Variants in ANKRD44 observed in about 807,000 individuals in gnomAD.
ANKRD44 encodes serine/threonine-protein phosphatase 6 regulatory ankyrin repeat subunit B.
A neutral mutation model predicts 116.0 loss-of-function variants in ANKRD44; 35 were observed. The observed-to-expected ratio is 0.30, with a 90% CI of 0.23 to 0.40. The LOEUF (loss-of-function observed/expected upper bound fraction) is 0.40, where lower values mean the gene tolerates loss of function less well. ANKRD44 is among the 10% of genes least tolerant of loss of function. The probability of loss-of-function intolerance (pLI) is 1.00; values close to 1 mark genes in which losing one functional copy is unlikely to be tolerated. For synonymous variants in ANKRD44, 435 were observed against 461.8 expected (o/e 0.94, Z 0.74); for missense variants, 1,014 against 1,242.6 (o/e 0.82, Z 2.77).
intron 3 of ANKRD44, among the ~76,000 whole-genome samples, chr2:197,144,626 C>G (rs1480246164): frequency 1.3e-5 from 2 of 152,158 alleles, no homozygotes; most frequent in African/African-American, 4.8e-5. Flanking sequence ...GGAAATTTTC[C>G]ATAGCACATT....
chr2:197,026,316 A>T (rs193188156), intron 16 of ANKRD44, among the ~76,000 whole-genome samples: 2 of 152,336 alleles, frequency 1.3e-5, no homozygotes, highest in East Asian at 3.9e-4. Flanking sequence ...TAGAAAGTGC[A>T]AGGTGCTATG....
intron 1 of ANKRD44, among the ~76,000 whole-genome samples, chr2:197,279,276 C>A (rs2083194905): frequency 6.6e-6 from 1 of 152,106 alleles, no homozygotes. Context: ...TACCTGTATA[C>A]AATAAAACGT....
chr2:197,163,819 G>A (rs1455872243), intron 2 of ANKRD44, among the ~76,000 whole-genome samples: 1 of 152,160 alleles, frequency 6.6e-6, no homozygotes, highest in African/African-American at 2.4e-5. Flanking sequence ...GTACAGACGG[G>A]TTTTCACCAT....
At chr2:196,967,414 A>G (rs1275055497) in exon 22 of ANKRD44, 3 of 470,078 alleles carry the variant, frequency 6.4e-6, no homozygotes, top group Non-Finnish European at 1.3e-5. Flanking sequence ...TTTGCAGCCA[A>G]CCGATGTTCT....
intron 2 of ANKRD44, among the ~76,000 whole-genome samples, chr2:197,161,271 A>C (rs2079957673): frequency 6.6e-6 from 1 of 152,266 alleles, no homozygotes; most frequent in South Asian, 2.1e-4. Context: ...CCTCCAGGGC[A>C]ATGTCAAATA....
At chr2:197,302,009 C>T (rs2083924591) in intron 1 of ANKRD44, among the ~76,000 whole-genome samples, 1 of 152,108 alleles carries the variant, frequency 6.6e-6, no homozygotes, top group South Asian at 2.1e-4. Flanking sequence ...AGGAAAGACC[C>T]GAAAGAGGTA....
rs2075715398 is a variant in ANKRD44, at chr2:196,971,466, C to T, written c.2369-4020G>A. Among the ~76,000 whole-genome samples, 3 of 152,266 alleles carry T rather than the reference C, an allele frequency of 2.0e-5. No individual in the cohort carries two copies. In the South Asian group the frequency reaches 6.2e-4, roughly 32 times the overall value. On this transcript the variant is annotated intron_variant, in intron 21 of 21. Transcript: ENST00000424317. Reference sequence around the variant, plus strand: ...TCCCCTCCTGGGTTCAAGTGATTCTCGTGCCTTAGTCTCCTGAGTAGCTGG... The same window carrying T: ...TCCCCTCCTGGGTTCAAGTGATTCTTGTGCCTTAGTCTCCTGAGTAGCTGG...
downstream of ANKRD44, chr2:196,986,594 GA>G (rs2075840194): frequency 1.8e-6 from 1 of 550,776 alleles, no homozygotes; most frequent in Non-Finnish European, 2.3e-6. Flanking sequence ...AATTTGGCTT[GA>G]GGGGGTGCAA....
chr2:197,005,987 G>C (rs1390879106), intron 20 of ANKRD44, 77 bp from the exon 21 acceptor site: 1 of 1,392,850 alleles, frequency 7.2e-7, no homozygotes, highest in East Asian at 2.3e-5. Context: ...AGTGAGGCTG[G>C]GCTTAGAGCA....
chr2:197,035,773 A>C (rs1192916214), intron 16 of ANKRD44, among the ~76,000 whole-genome samples: 1 of 149,442 alleles, frequency 6.7e-6, no homozygotes, highest in Non-Finnish European at 1.5e-5. Flanking sequence ...TCAAGCTATG[A>C]CCTGGCCTCG....
intron 1 of ANKRD44, among the ~76,000 whole-genome samples, chr2:197,276,262 C>T (rs112775660): frequency 2.2e-4 from 23 of 103,822 alleles, no homozygotes; most frequent in African/African-American, 7.5e-4. Flanking sequence ...GCAAAAAGAG[C>T]GAAACTTGGT....
intron 8 of ANKRD44, among the ~76,000 whole-genome samples, chr2:197,111,999 G>A (rs2078579536): frequency 6.6e-6 from 1 of 152,080 alleles, no homozygotes; most frequent in Non-Finnish European, 1.5e-5. Context: ...CACAGAAAAT[G>A]TACAACAGCT....
rs915018213 is a variant in ANKRD44, at chr2:196,989,392, C to T, written c.*199G>A. 13 of 1,158,286 alleles carry T rather than the reference C, an allele frequency of 1.1e-5. No individual in the cohort carries two copies. Among genetic ancestry groups the T allele is most frequent in the Middle Eastern group, 7.3e-4 (2 of 2,758 alleles). The allele number at this position is 1,158,286 out of a possible 1,614,324, so 71.8% of individuals were successfully genotyped here. On this transcript the variant is annotated 3_prime_UTR_variant, in exon 28 of 28. Transcript: ENST00000282272. ...CAAAGACTGGTACACAGAAAGATTACATTTAACTCCATAAAAAAGCTACTT... is the reference window on the plus strand; with the variant it reads ...CAAAGACTGGTACACAGAAAGATTATATTTAACTCCATAAAAAAGCTACTT...
chr2:197,081,739 AG>A lies in ANKRD44; in HGVS notation c.1458-15del. On this transcript the variant is annotated splice_polypyrimidine_tract_variant and intron_variant, in intron 14 of 27. Coordinates refer to ENST00000282272, the MANE Select transcript of ANKRD44 (RefSeq NM_001195144.2). ...AAGATAGTCTTACTTCTCAGCATAA[AG>A]GATAGAAAAAAAAATTGCAATTAAT... is the stretch of plus-strand genomic sequence containing the variant. The A allele has an allele frequency of 6.3e-7, 1 of 1,598,430 alleles. No individual in the cohort carries two copies. Among genetic ancestry groups the A allele is most frequent in the Non-Finnish European group, 8.5e-7 (1 of 1,172,376 alleles).
chr2:197,278,157 A>G (rs1196279177), intron 1 of ANKRD44, among the ~76,000 whole-genome samples: 1 of 152,082 alleles, frequency 6.6e-6, no homozygotes, highest in Non-Finnish European at 1.5e-5. Flanking sequence ...AGGGATGGAA[A>G]TATGCTAGGA....
Position 197,078,680 on chromosome 2 carries a change from GAAAAC to G in ANKRD44, c.1650+18_1650+22del. ...GGTATGTGTGTGTGTGTGTGTTAGAGAAAACAAAACAAAACAACTCACCAATTCCA... is the reference window on the plus strand; with the variant it reads ...GGTATGTGTGTGTGTGTGTGTTAGAGAAAACAAAACAACTCACCAATTCCA... On this transcript the variant is annotated intron_variant, in intron 16 of 27. Transcript: ENST00000282272. The G allele has an allele frequency of 3.7e-6, 6 of 1,607,086 alleles. No homozygotes were observed. Among genetic ancestry groups the G allele is most frequent in the African/African-American group, 1.3e-5 (1 of 74,672 alleles).
chr2:197,136,658 A>C lies in ANKRD44; in HGVS notation c.195T>G (p.Ala65=). The C allele has an allele frequency of 6.2e-7, 1 of 1,614,136 alleles. No homozygotes were observed. Among genetic ancestry groups the C allele is most frequent in the Non-Finnish European group, 8.5e-7 (1 of 1,179,990 alleles). Residue 65 remains alanine (A), a synonymous_variant, in exon 4 of 28, where the codon GCT becomes GCG. Transcript: ENST00000282272. ...ACATGTTGTCCTTGGCATTTACACG[A>C]GCTCCTGGAATCAAACAGCACAAGT... ...EIIELLILSG[A]RVNAKDNMWL...
chr2:197,086,576 A>G (rs1202305942), intron 13 of ANKRD44, 104 bp downstream of exon 13: 4 of 1,080,636 alleles, frequency 3.7e-6, no homozygotes, highest in African/African-American at 3.2e-5. Flanking sequence ...GAATCCCCCC[A>G]GCTAACTTCC....
At chr2:196,978,138 G>A (rs2075773265) in intron 21 of ANKRD44, among the ~76,000 whole-genome samples, 1 of 152,186 alleles carries the variant, frequency 6.6e-6, no homozygotes, top group Admixed American at 6.5e-5. Context: ...GGGGGGCCTG[G>A]TGGGAGGTGT....
Sources: allele counts gnomAD v4.1 joint callset (sites outside exome capture counted in the v4.1 genomes callset), GRCh38; gene constraint gnomAD v4.1.1; transcripts MANE v1.5; gene names NCBI Gene and HGNC (gene_info 2026-07-23, HGNC 2026-07-21).